Variants in ANXA11 observed in about 807,000 individuals in gnomAD.
ANXA11 encodes the protein annexin A11.
A neutral mutation model predicts 64.7 loss-of-function variants in ANXA11; 57 were observed. That is an observed-to-expected ratio of 0.88 (90% CI 0.71 to 1.10). The LOEUF is 1.10. ANXA11 is among the 50% of genes least tolerant of loss of function. The pLI is 0.00. For missense variants in ANXA11, 675 were observed against 670.7 expected (o/e 1.01, Z -0.07); for synonymous variants, 260 against 265.2 (o/e 0.98, Z 0.19).
Position 80,169,059 on chromosome 10 carries a change from TG to T in ANXA11, c.470del (p.Pro157GlnfsTer57). On this transcript the variant is annotated frameshift_variant, in exon 5 of 16. Transcript: ENST00000422982. LOFTEE classifies it high-confidence loss of function. ...GCTGCTGCTGCCCAGGGAGTGGCAC[TG>T]GAGGCTGACCAGGGTAGGTCACTGG... Reference protein sequence around the residue: ...QPPVTYPGQPPVPLPGQQQPV... With the variant: ...QPPVTYPGQPXVPLPGQQQPV... 1 of 1,540,296 alleles carries T rather than the reference TG, an allele frequency of 6.5e-7. No homozygotes were observed. Among genetic ancestry groups the T allele is most frequent in the Non-Finnish European group, 8.7e-7 (1 of 1,149,432 alleles).
rs1845299838 is a variant in ANXA11 at position 80,156,967 on chromosome 10, A to G, written c.1458+674T>C. The G allele has an allele frequency of 4.1e-6, 4 of 985,076 alleles. No individual in the cohort carries two copies. The Admixed American group carries it at 1.8e-4, about 45-fold the overall frequency. 61.0% of individuals were successfully genotyped at this position (985,076 alleles called of 1,614,324 possible). On this transcript the variant is annotated intron_variant, in intron 15 of 15. Transcript: ENST00000422982. ...AAGGCTCATGTGAGTTCAGAATTTG[A>G]GCGTTAGACCACACAGCTGAGAATG...
intron 1 of ANXA11, among the ~76,000 whole-genome samples, chr10:80,190,761 A>G (rs1846740076): frequency 6.9e-6 from 1 of 145,554 alleles, no homozygotes; most frequent in South Asian, 2.3e-4. Context: ...CTGGGGTTAC[A>G]GGCGTGAGCC....
rs779679710 is a variant in ANXA11, at chr10:80,172,798, C to A, written c.55+9G>T. ...CATTCACTCTCCTCCCCACCCCAGA[C>A]CCTCTTACCTGGTGCAGCTGGTGGG... On this transcript the variant is annotated intron_variant, in intron 3 of 15. Coordinates refer to ENST00000422982, the MANE Select transcript of ANXA11 (RefSeq NM_145868.2). 3.7e-6 allele frequency: 6 copies of A among 1,613,804 alleles called. No homozygotes were observed. In the South Asian group the frequency reaches 5.5e-5, roughly 15 times the overall value.
chr10:80,188,405 G>GCCTTTCT (rs60057095), intron 1 of ANXA11, among the ~76,000 whole-genome samples: 61,404 of 147,174 alleles, frequency 0.42, 13,556 homozygotes, highest in African/African-American at 0.55. Flanking sequence ...ACCACTCTGA[G>GCCTTTCT]CCTTTCTCCT....
At chr10:80,163,703 GA>G in intron 9 of ANXA11, 90 bp from the exon 10 acceptor site, 3 of 1,225,938 alleles carry the variant, frequency 2.4e-6, no homozygotes, top group Non-Finnish European at 3.5e-6. Flanking sequence ...GTACTGGGGA[GA>G]AAAAGGCTGG....
rs1275288961 is a variant in ANXA11 at position 80,166,711 on chromosome 10, C to G, written c.744+179G>C. 4.9e-6 allele frequency: 3 copies of G among 607,520 alleles called. No individual in the cohort carries two copies. In the African/African-American group the frequency reaches 5.5e-5, roughly 11 times the overall value. 37.6% of individuals were successfully genotyped at this position (607,520 alleles called of 1,614,324 possible). ...GAGCCTCTCAGCAAACCTCAGCACCCGGTGGCATCCTTCACCTCCCAACGA... is the reference window on the plus strand; with the variant it reads ...GAGCCTCTCAGCAAACCTCAGCACCGGGTGGCATCCTTCACCTCCCAACGA... On this transcript the variant is annotated intron_variant, in intron 7 of 15. Coordinates refer to ENST00000422982, the MANE Select transcript of ANXA11 (RefSeq NM_145868.2).
chr10:80,164,194 C>T, intron 8 of ANXA11, 51 bp from the exon 9 acceptor site: 1 of 1,495,900 alleles, frequency 6.7e-7, no homozygotes, highest in East Asian at 2.3e-5. Flanking sequence ...AGCAGCCTCA[C>T]CAGCACTCGG....
chr10:80,197,460 G>C (rs1009342355), intron 1 of ANXA11, among the ~76,000 whole-genome samples: 2 of 152,110 alleles, frequency 1.3e-5, no homozygotes, highest in African/African-American at 2.4e-5. Flanking sequence ...ATGGGGGTTG[G>C]CAACCACTGC....
chr10:80,170,834 G>A lies in ANXA11; in HGVS notation c.137C>T (p.Ala46Val), dbSNP rs762084152. Residue 46 changes from alanine (A) to valine (V), a missense_variant, in exon 4 of 16, where the codon GCG (alanine) becomes GTG (valine). Physicochemically the swap from Ala to Val is moderately conservative, Grantham distance 64. Coordinates refer to ENST00000422982, the MANE Select transcript of ANXA11 (RefSeq NM_145868.2). ...GAGATAGTCCTGGTTGAACTGCCCCGCATAGGTGGCCACGTTATCCAGCCC... is the reference window on the plus strand; with the variant it reads ...GAGATAGTCCTGGTTGAACTGCCCCACATAGGTGGCCACGTTATCCAGCCC... The part of the protein sequence containing the change: ...PIGLDNVATY[A>V]GQFNQDYLSG... 12 of 1,511,840 alleles carry A rather than the reference G, an allele frequency of 7.9e-6. No individual in the cohort carries two copies. Among genetic ancestry groups the A allele is most frequent in the East Asian group, 2.4e-5 (1 of 41,748 alleles). 93.7% of individuals were successfully genotyped at this position (1,511,840 alleles called of 1,614,324 possible).
At position 80,183,420 on chromosome 10, in the gene ANXA11, G is replaced by A. The variant is rs376595226; in HGVS notation, c.-57-7265C>T. On this transcript the variant is annotated intron_variant, in intron 1 of 15. Coordinates refer to ENST00000422982, the MANE Select transcript of ANXA11 (RefSeq NM_145868.2). The stretch of plus-strand genomic sequence containing the variant: ...TGGGATCTCAGGATTTCTGAAGGGG[G>A]CCTCTTTCAGCTTTCACCCCAAATC... 3.9e-5 allele frequency among the ~76,000 whole-genome samples: 6 copies of A among 152,170 alleles called. No individual in the cohort carries two copies. The East Asian group carries it at 9.6e-4, about 24-fold the overall frequency.
chr10:80,171,733 C>T (rs1338735491), intron 3 of ANXA11: 1 of 985,412 alleles, frequency 1.0e-6, no homozygotes, highest in Non-Finnish European at 1.2e-6. Context: ...GGCTCCAGAC[C>T]CTCCAGGAAG....
At position 80,164,145 on chromosome 10, in the gene ANXA11, T is replaced by C; in HGVS notation, c.859-2A>G. On this transcript the variant is annotated splice_acceptor_variant, in intron 8 of 15. Transcript: ENST00000422982. LOFTEE classifies it high-confidence loss of function. ...GCAGGCTTCATCAGTGCCAACCCCC[T>C]GCAGGGGCAGAGAATACAACCAACC... 1.2e-6 allele frequency: 2 copies of C among 1,613,056 alleles called. No homozygotes were observed. Among genetic ancestry groups the C allele is most frequent in the Non-Finnish European group, 1.7e-6 (2 of 1,179,218 alleles).
intron 5 of ANXA11, 59 bp downstream of exon 5, chr10:80,168,910 G>C: frequency 6.9e-7 from 1 of 1,442,244 alleles, no homozygotes; most frequent in South Asian, 1.5e-5. Context: ...ACTGAGCCAT[G>C]TGTCTCCAGC....
At chr10:80,162,519 C>T (rs981140647) in intron 11 of ANXA11, among the ~76,000 whole-genome samples, 1 of 152,234 alleles carries the variant, frequency 6.6e-6, no homozygotes, top group African/African-American at 2.4e-5. Context: ...AGGCCCTTGT[C>T]CGGGCTCTGC....
chr10:80,171,198 C>A, intron 3 of ANXA11: 4 of 1,279,352 alleles, frequency 3.1e-6, no homozygotes, highest in Non-Finnish European at 4.0e-6. Context: ...AGAGCCCAGG[C>A]AGGCTCTGCC....
At chr10:80,166,711 C>T (rs1275288961) in intron 7 of ANXA11, 179 bp downstream of exon 7, 12 of 607,520 alleles carry the variant, frequency 2.0e-5, no homozygotes, top group Admixed American at 5.5e-5. Flanking sequence ...CCTCAGCACC[C>T]GGTGGCATCC....
chr10:80,158,736 C>T (rs942055948), intron 13 of ANXA11, among the ~76,000 whole-genome samples: 1 of 152,154 alleles, frequency 6.6e-6, no homozygotes. Context: ...CACGTGTTTC[C>T]ATCACAAACA....
chr10:80,185,558 C>T (rs1302707793), intron 1 of ANXA11, among the ~76,000 whole-genome samples: 3 of 152,240 alleles, frequency 2.0e-5, no homozygotes, highest in African/African-American at 7.2e-5. Flanking sequence ...GCCTGCTTAA[C>T]TCTATCCTCA....
At chr10:80,155,996 A>G in intron 15 of ANXA11, 84 bp from the exon 16 acceptor site, 1 of 1,395,236 alleles carries the variant, frequency 7.2e-7, no homozygotes, top group Non-Finnish European at 1.0e-6. Context: ...AGCCCTGAGC[A>G]CCCTTATAGG....
Sources: gnomAD v4.1 joint callset for allele counts (sites outside exome capture counted in the v4.1 genomes callset) on GRCh38, gnomAD v4.1.1 for gene constraint, MANE v1.5 for transcripts, NCBI Gene and HGNC (gene_info 2026-07-23, HGNC 2026-07-21) for gene names.